The following DPF1 variants were observed in gnomAD, a reference collection of about 807,000 sequenced individuals.
DPF1 encodes zinc finger protein neuro-d4.
Under a neutral mutation model 58.7 loss-of-function variants are expected in DPF1, and 14 were observed. That is an observed-to-expected ratio of 0.24 (90% CI 0.16 to 0.37). The LOEUF (loss-of-function observed/expected upper bound fraction) is 0.37. Among genes scored for constraint, DPF1 ranks in the 10% least tolerant of loss-of-function variants. The probability of loss-of-function intolerance (pLI) is 1.00; values close to 1 mark genes in which losing one functional copy is unlikely to be tolerated. For synonymous variants in DPF1, 216 were observed against 216.0 expected, an observed-to-expected ratio of 1.00 and a Z score of 0.00; for missense variants, 345 against 529.9, an observed-to-expected ratio of 0.65 and a Z score of 3.43.
At chr19:38,220,893 T>C (rs1967423884) in intron 3 of DPF1, among the ~76,000 whole-genome samples, 1 of 151,998 alleles carries the variant, frequency 6.6e-6, no homozygotes, top group Admixed American at 6.6e-5. Context: ...AGGATCCCGA[T>C]ATTCCTAAAC....
intron 10 of DPF1, among the ~76,000 whole-genome samples, chr19:38,212,703 C>G (rs1973542133): frequency 6.6e-6 from 1 of 151,336 alleles, no homozygotes; most frequent in Admixed American, 6.6e-5. Flanking sequence ...CCTCACACTC[C>G]TTGGGGCTCA....
intron 11 of DPF1, 68 bp downstream of exon 11, chr19:38,212,212 A>G: frequency 6.6e-7 from 1 of 1,507,202 alleles, no homozygotes; most frequent in Non-Finnish European, 9.0e-7. Context: ...GAGGACACAC[A>G]GTCTTCCACA....
Position 38,212,147 on chromosome 19 carries a change from C to T in DPF1, c.1094-14G>A, listed in dbSNP as rs745950058. 8.7e-5 allele frequency: 140 copies of T among 1,606,940 alleles called. No homozygotes were observed. The highest frequency in any genetic ancestry group is 1.1e-4 in the Non-Finnish European group (135 of 1,177,966). Reference sequence around the variant, plus strand: ...AGCTCCAGCTCCCTGCGGGGGCAGCCGAAGCTGAAGTCAGGCCCGGGTCCG... The same window carrying T: ...AGCTCCAGCTCCCTGCGGGGGCAGCTGAAGCTGAAGTCAGGCCCGGGTCCG... On this transcript the variant is annotated splice_polypyrimidine_tract_variant and intron_variant, in intron 11 of 11. Coordinates refer to ENST00000355526, the MANE Select transcript of DPF1 (RefSeq NM_001135155.3).
chr19:38,217,469 T>G lies in DPF1; in HGVS notation c.718A>C (p.Asn240His), dbSNP rs1207767218. The G allele has an allele frequency of 1.3e-6, 2 of 1,523,820 alleles. No homozygotes were observed. The highest frequency in any genetic ancestry group is 2.6e-5 in the East Asian group (1 of 38,368). 94.4% of individuals were successfully genotyped at this position (1,523,820 alleles called of 1,614,324 possible). ...RHALPFHRKN[N>H]HKQFYKELAW... ...TGGCCTGCCAGCTCACGTTTATGGT[T>G]GTTTTTCCGGTGGAAGGGCAGGGCG... Residue 240 changes from asparagine to histidine, a missense_variant, in exon 7 of 12, where the codon AAC becomes CAC. Coordinates refer to ENST00000355526, the MANE Select transcript of DPF1 (RefSeq NM_001135155.3).
At position 38,222,603 on chromosome 19, in the gene DPF1, G is replaced by C; in HGVS notation, c.135C>G (p.Thr45=). The C allele has an allele frequency of 6.2e-7, 1 of 1,611,968 alleles. No homozygotes were observed. Among genetic ancestry groups the C allele is most frequent in the Non-Finnish European group, 8.5e-7 (1 of 1,179,230 alleles). The part of the protein sequence containing the change: ...SLRLPFLDSQ[T]GVAQNNCYIW... ...TGTAGCAGTTGTTCTGGGCCACGCCGGTCTGCGAGTCGAGGAAGGGCAGTC... is the reference window on the plus strand; with the variant it reads ...TGTAGCAGTTGTTCTGGGCCACGCCCGTCTGCGAGTCGAGGAAGGGCAGTC... Residue 45 remains threonine, a synonymous_variant, in exon 2 of 12, where the codon ACC becomes ACG. Transcript: ENST00000355526. The surrounding 1 kb of genome is among the most constrained non-coding windows in gnomAD (Gnocchi z 4.9).
intron 10 of DPF1, among the ~76,000 whole-genome samples, chr19:38,213,206 C>T (rs928711166): frequency 1.3e-5 from 2 of 152,128 alleles, no homozygotes; most frequent in African/African-American, 2.4e-5. Flanking sequence ...AACTCCTGAT[C>T]TCAGGTGGTC....
intron 3 of DPF1, among the ~76,000 whole-genome samples, chr19:38,221,510 A>C (rs1967472184): frequency 6.6e-6 from 1 of 150,814 alleles, no homozygotes; most frequent in African/African-American, 2.5e-5. Flanking sequence ...ACTGTACTCC[A>C]GCCTGGGTGA....
At chr19:38,223,866 G>A (rs1967677781) in intron 1 of DPF1, 1 of 410,896 alleles carries the variant, frequency 2.4e-6, no homozygotes, top group African/African-American at 2.1e-5. Context: ...TGCAGGGAAG[G>A]GATGATGTCT....
At chr19:38,229,153 G>A (rs2051172770), upstream of DPF1, among the ~76,000 whole-genome samples, 2 of 151,914 alleles carry the variant, frequency 1.3e-5, no homozygotes, top group South Asian at 4.2e-4. This position sits in a 1 kb window ranked among gnomAD's most constrained non-coding sequence, Gnocchi z 5.3. Flanking sequence ...GCGGAGAGCG[G>A]GTGATGGAAA....
rs1252605188 is a variant in DPF1 at position 38,224,184 on chromosome 19, C to A, written c.-42G>T. ...TGCCCCCAGCAGGTCCCCGCCGGGT[C>A]GGTCCTCCCAGCGGTCGGGCGGGCG... On this transcript the variant is annotated 5_prime_UTR_variant, in exon 1 of 12. Coordinates refer to ENST00000355526, the MANE Select transcript of DPF1 (RefSeq NM_001135155.3). This position sits in a 1 kb window ranked among gnomAD's most constrained non-coding sequence, Gnocchi z 4.5. 2.8e-6 allele frequency: 4 copies of A among 1,423,910 alleles called. No individual in the cohort carries two copies. Among genetic ancestry groups the A allele is most frequent in the South Asian group, 1.6e-5 (1 of 62,048 alleles). The allele number at this position is 1,423,910 out of a possible 1,614,324, so 88.2% of individuals were successfully genotyped here.
chr19:38,224,103 G>C lies in DPF1; in HGVS notation c.29+11C>G. The C allele has an allele frequency of 1.3e-6, 2 of 1,501,128 alleles. No individual in the cohort carries two copies. Among genetic ancestry groups the C allele is most frequent in the African/African-American group, 2.9e-5 (2 of 68,248 alleles). 93.0% of individuals were successfully genotyped at this position (1,501,128 alleles called of 1,614,324 possible). ...CGCGCTTCCTCTCCGCCTCCCGCCGGCCCGCACCACCTCAGGGGGCCAGGG... is the reference window on the plus strand; with the variant it reads ...CGCGCTTCCTCTCCGCCTCCCGCCGCCCCGCACCACCTCAGGGGGCCAGGG... On this transcript the variant is annotated intron_variant, in intron 1 of 11. Transcript: ENST00000355526. This position sits in a 1 kb window ranked among gnomAD's most constrained non-coding sequence, Gnocchi z 4.5.
At position 38,222,629 on chromosome 19, in the gene DPF1, G is replaced by T. The variant is rs747294783; in HGVS notation, c.109C>A (p.Arg37=). ...NARLCAERSL[R]LPFLDSQTGV... ...GTCTGCGAGTCGAGGAAGGGCAGTCGCAGGCTGCGCTCGGCGCACAGGCGC... is the reference window on the plus strand; with the variant it reads ...GTCTGCGAGTCGAGGAAGGGCAGTCTCAGGCTGCGCTCGGCGCACAGGCGC... Residue 37 remains arginine (R), a synonymous_variant, in exon 2 of 12, where the codon CGA becomes AGA. Transcript: ENST00000355526. This position sits in a 1 kb window ranked among gnomAD's most constrained non-coding sequence, Gnocchi z 4.9. 2 of 1,610,874 alleles carry T rather than the reference G, an allele frequency of 1.2e-6. No homozygotes were observed. Among genetic ancestry groups the T allele is most frequent in the Admixed American group, 3.3e-5 (2 of 59,738 alleles).
chr19:38,216,287 C>G (rs200637838), intron 8 of DPF1, 28 bp from the exon 9 acceptor site: 102 of 1,613,016 alleles, frequency 6.3e-5, no homozygotes, highest in Middle Eastern at 1.6e-4. Flanking sequence ...GGCATTGGCA[C>G]GGGGCAGGCA....
intron 1 of DPF1, chr19:38,223,052 C>A (rs890727903): frequency 6.3e-6 from 2 of 315,158 alleles, no homozygotes; most frequent in African/African-American, 4.4e-5. Context: ...AGAGACAAAT[C>A]CCAATACTCA....
upstream of DPF1, among the ~76,000 whole-genome samples, chr19:38,229,070 G>T (rs955986600): frequency 6.6e-6 from 1 of 152,056 alleles, no homozygotes; most frequent in Non-Finnish European, 1.5e-5. This position sits in a 1 kb window ranked among gnomAD's most constrained non-coding sequence, Gnocchi z 5.3. Flanking sequence ...CGACGTCTCA[G>T]CTCCCACCCT....
At position 38,224,033 on chromosome 19, in the gene DPF1, C is replaced by A. The variant is rs916828215; in HGVS notation, c.29+81G>T. On this transcript the variant is annotated intron_variant, in intron 1 of 11. Coordinates refer to ENST00000355526, the MANE Select transcript of DPF1 (RefSeq NM_001135155.3). The surrounding 1 kb of genome is among the most constrained non-coding windows in gnomAD (Gnocchi z 4.5). ...ACAGCCCCCCAGACACCCCTTCGGC[C>A]CCACCCCCGGTCGCCACACACACAC... 13 of 1,423,020 alleles carry A rather than the reference C, an allele frequency of 9.1e-6. No homozygotes were observed. The highest frequency in any genetic ancestry group is 1.9e-4 in the Middle Eastern group (1 of 5,212). 88.1% of individuals were successfully genotyped at this position (1,423,020 alleles called of 1,614,324 possible). A position where few individuals can be genotyped will look rare whatever the true frequency, so the allele number is the denominator to read the frequency against.
chr19:38,218,317 T>C (rs1967191690), intron 5 of DPF1, among the ~76,000 whole-genome samples: 1 of 152,260 alleles, frequency 6.6e-6, no homozygotes, highest in Non-Finnish European at 1.5e-5. Context: ...GTTCAGCTTC[T>C]TCCTCTGTGG....
Position 38,216,273 on chromosome 19 carries a change from G to T in DPF1, c.779-14C>A, listed in dbSNP as rs372202536. On this transcript the variant is annotated splice_polypyrimidine_tract_variant and intron_variant, in intron 8 of 11. Coordinates refer to ENST00000355526, the MANE Select transcript of DPF1 (RefSeq NM_001135155.3). ...GCGCCTTCTTGGCTGCAAGACAGCA[G>T]ACAGGCATTGGCACGGGGCAGGCAA... is the stretch of plus-strand genomic sequence containing the variant. 2 of 1,613,844 alleles carry T rather than the reference G, an allele frequency of 1.2e-6. No individual in the cohort carries two copies. Among genetic ancestry groups the T allele is most frequent in the East Asian group, 2.2e-5 (1 of 44,896 alleles).
intron 11 of DPF1, 56 bp from the exon 12 acceptor site, chr19:38,212,189 C>A: frequency 1.3e-6 from 2 of 1,570,316 alleles, no homozygotes; most frequent in South Asian, 1.2e-5. Flanking sequence ...CTGCCCCAGC[C>A]CCTTCCCACC....
Sources: allele counts gnomAD v4.1 joint callset (sites outside exome capture counted in the v4.1 genomes callset), GRCh38; gene constraint gnomAD v4.1.1; non-coding constraint Gnocchi (gnomAD v3.1); transcripts MANE v1.5; gene names NCBI Gene and HGNC (gene_info 2026-07-23, HGNC 2026-07-21).